ZDHHC20: variants seen among roughly 807,000 people sequenced by gnomAD.
ZDHHC20 encodes the protein zDHHC palmitoyltransferase 20.
A neutral mutation model predicts 57.8 loss-of-function variants in ZDHHC20; 43 were observed. The ratio of observed to expected loss-of-function variants is 0.74; its 90% CI spans 0.58 to 0.96. ZDHHC20 has a LOEUF of 0.96. Among genes scored for constraint, ZDHHC20 ranks in the 40% least tolerant of loss-of-function variants. ZDHHC20 has a pLI of 0.00. For missense variants in ZDHHC20, 391 were observed against 441.1 expected (o/e 0.89, Z 1.02); for synonymous variants, 157 against 153.0 (o/e 1.03, Z -0.19).
intron 1 of ZDHHC20, among the ~76,000 whole-genome samples, chr13:21,451,605 TGTGAA>T: frequency 6.6e-6 from 1 of 152,038 alleles, no homozygotes; most frequent in Non-Finnish European, 1.5e-5. Context: ...CAAATTAGGA[TGTGAA>T]GTGAAGAGTA....
At chr13:21,448,847 G>C (rs9509725) in intron 1 of ZDHHC20, among the ~76,000 whole-genome samples, 2 of 83,220 alleles carry the variant, frequency 2.4e-5, no homozygotes, top group African/African-American at 7.3e-5. Flanking sequence ...GTAGACATGG[G>C]AGACTTTTCA....
intron 1 of ZDHHC20, among the ~76,000 whole-genome samples, chr13:21,452,317 T>C (rs1195125068): frequency 1.3e-5 from 2 of 152,220 alleles, no homozygotes; most frequent in African/African-American, 4.8e-5. Context: ...AATAACTGCA[T>C]TGTACATCTT....
chr13:21,390,311 A>G (rs1051965412), intron 8 of ZDHHC20: 14 of 152,222 alleles, frequency 9.2e-5, no homozygotes, highest in African/African-American at 2.9e-4. Context: ...TATTTCAATG[A>G]TAACATAGCA....
At chr13:21,428,966 G>C (rs1324139316) in intron 1 of ZDHHC20, among the ~76,000 whole-genome samples, 14 of 152,136 alleles carry the variant, frequency 9.2e-5, no homozygotes, top group Admixed American at 9.2e-4. Context: ...TTTTATGTAA[G>C]AAATGTCATT....
intron 1 of ZDHHC20, among the ~76,000 whole-genome samples, chr13:21,445,581 T>A (rs1883607883): frequency 6.6e-6 from 1 of 152,212 alleles, no homozygotes. Context: ...AACTTTAAGA[T>A]TATCAATAAT....
chr13:21,458,951 C>A (rs2138094158), intron 1 of ZDHHC20, 103 bp downstream of exon 1: 1 of 852,464 alleles, frequency 1.2e-6, no homozygotes, highest in South Asian at 2.5e-5. Context: ...CGCCCGGCGT[C>A]CGGCGCTGGC....
At chr13:21,386,651 C>T (rs1423312169) in intron 9 of ZDHHC20, among the ~76,000 whole-genome samples, 1 of 152,168 alleles carries the variant, frequency 6.6e-6, no homozygotes, top group African/African-American at 2.4e-5. Flanking sequence ...CAGGTTCAAG[C>T]GATTCTTGTG....
At chr13:21,432,625 C>A (rs1195418501) in intron 1 of ZDHHC20, among the ~76,000 whole-genome samples, 1 of 152,142 alleles carries the variant, frequency 6.6e-6, no homozygotes, top group Non-Finnish European at 1.5e-5. Context: ...AGACATCTCT[C>A]CTGGACAACT....
chr13:21,412,153 A>C (rs1879304499), intron 4 of ZDHHC20, among the ~76,000 whole-genome samples: 1 of 152,196 alleles, frequency 6.6e-6, no homozygotes, highest in Admixed American at 6.5e-5. Context: ...TAGATTGCAG[A>C]CCACTCTGTA....
intron 7 of ZDHHC20, among the ~76,000 whole-genome samples, chr13:21,398,441 G>A (rs927219632): frequency 4.7e-5 from 7 of 149,940 alleles, no homozygotes; most frequent in African/African-American, 1.5e-4. Context: ...TCCAGCCTGG[G>A]CAACAGAGCG....
chr13:21,445,220 T>A (rs1593277543), intron 1 of ZDHHC20, among the ~76,000 whole-genome samples: 1 of 152,266 alleles, frequency 6.6e-6, no homozygotes, highest in East Asian at 1.9e-4. Flanking sequence ...GCTTATAAAT[T>A]ATTAAATATT....
intron 7 of ZDHHC20, among the ~76,000 whole-genome samples, chr13:21,393,699 C>CAAAA (rs71093307): frequency 2.5e-4 from 16 of 63,402 alleles, no homozygotes; most frequent in African/African-American, 8.3e-4. Flanking sequence ...GCAAGTCTCA[C>CAAAA]AAAAAAAAAA....
At chr13:21,424,447 C>T (rs930100869) in intron 2 of ZDHHC20, among the ~76,000 whole-genome samples, 7 of 152,158 alleles carry the variant, frequency 4.6e-5, no homozygotes, top group African/African-American at 9.7e-5. Flanking sequence ...ACGTGGCTCA[C>T]GCCTATAATC....
At chr13:21,434,998 G>A (rs1882396153) in intron 1 of ZDHHC20, among the ~76,000 whole-genome samples, 1 of 152,148 alleles carries the variant, frequency 6.6e-6, no homozygotes, top group Admixed American at 6.5e-5. Flanking sequence ...TGTCCACCAT[G>A]TCTTTAGCTT....
chr13:21,432,042 T>C (rs1017805254), intron 1 of ZDHHC20, among the ~76,000 whole-genome samples: 28 of 152,172 alleles, frequency 1.8e-4, no homozygotes, highest in African/African-American at 6.8e-4. Context: ...GTTTCTCATA[T>C]GTTTTCTTCT....
At chr13:21,431,122 T>C (rs143221453) in intron 1 of ZDHHC20, among the ~76,000 whole-genome samples, 89 of 152,330 alleles carry the variant, frequency 5.8e-4, no homozygotes, top group African/African-American at 2.0e-3. Context: ...ATTTTTGTAT[T>C]AGTCCATTTT....
intron 12 of ZDHHC20, 120 bp from the exon 13 acceptor site, chr13:21,376,775 T>G: frequency 1.9e-6 from 1 of 533,074 alleles, no homozygotes; most frequent in Non-Finnish European, 3.2e-6. Flanking sequence ...GAAAATGAAT[T>G]CCTTAACACT....
rs1346663988 is a variant in ZDHHC20, at chr13:21,375,347, G to GT, written c.*1348_*1349insA. ...TGGAAGCAATCAATTATTTTGGGGG[G>GT]GGTGTGTGTGTGTGTGTGTCTGTCT... is the stretch of plus-strand genomic sequence containing the variant. On this transcript the variant is annotated 3_prime_UTR_variant, in exon 13 of 13. Coordinates refer to ENST00000400590, the MANE Select transcript of ZDHHC20 (RefSeq NM_001330059.2). The GT allele has an allele frequency of 5.2e-5, 19 of 365,180 alleles. No individual in the cohort carries two copies. The highest frequency in any genetic ancestry group is 2.6e-4 in the African/African-American group (12 of 46,632). 22.6% of individuals were successfully genotyped at this position (365,180 alleles called of 1,614,324 possible). A position where few individuals can be genotyped will look rare whatever the true frequency, so the allele number is the denominator to read the frequency against.
intron 1 of ZDHHC20, among the ~76,000 whole-genome samples, chr13:21,430,770 G>GA (rs376427918): frequency 2.8e-4 from 42 of 149,302 alleles, no homozygotes; most frequent in African/African-American, 6.9e-4. Context: ...CATATATGAA[G>GA]AAAAAAAAAA....
Sources: allele counts gnomAD v4.1 joint callset (sites outside exome capture counted in the v4.1 genomes callset), GRCh38; gene constraint gnomAD v4.1.1; transcripts MANE v1.5; gene names NCBI Gene and HGNC (gene_info 2026-07-23, HGNC 2026-07-21).